ZNF385B: variants seen among roughly 807,000 people sequenced by gnomAD.
ZNF385B encodes zinc finger protein 385B.
In ZNF385B, 23 loss-of-function variants were observed where a neutral mutation model predicts 39.2. The observed-to-expected ratio is 0.59, with a 90% CI of 0.42 to 0.83. The LOEUF is 0.83. Among genes scored for constraint, ZNF385B ranks in the 40% least tolerant of loss-of-function variants. The pLI is 0.00. For missense variants in ZNF385B, 552 were observed against 598.9 expected, an observed-to-expected ratio of 0.92 and a Z score of 0.82; for synonymous variants, 205 against 222.6, an observed-to-expected ratio of 0.92 and a Z score of 0.70.
chr2:179,713,202 G>A (rs1301587856), intron 3 of ZNF385B, among the ~76,000 whole-genome samples: 1 of 152,100 alleles, frequency 6.6e-6, no homozygotes, highest in Non-Finnish European at 1.5e-5. Context: ...GGGTTTTTGG[G>A]GATGCAACCT....
chr2:179,802,944 A>T lies in ZNF385B; in HGVS notation c.-154-32272T>A, dbSNP rs181029852. Among the ~76,000 whole-genome samples, 31 of 152,278 alleles carry T rather than the reference A, an allele frequency of 2.0e-4. 1 individual carries two copies. In the East Asian group the frequency reaches 2.7e-3, roughly 13 times the overall value. On this transcript the variant is annotated intron_variant, in intron 1 of 9. Coordinates refer to ENST00000410066, the MANE Select transcript of ZNF385B (RefSeq NM_152520.6). ...CAGCCTTAGAAACTAACAGTAAATT[A>T]AAAAAACGCAATAGCTAAGCCTTAT...
At chr2:179,694,708 T>G (rs1698589729) in intron 3 of ZNF385B, among the ~76,000 whole-genome samples, 1 of 152,114 alleles carries the variant, frequency 6.6e-6, no homozygotes, top group Non-Finnish European at 1.5e-5. Flanking sequence ...GGTAGGCAGA[T>G]CATTTGAGGT....
At chr2:179,498,035 A>G (rs1298795196) in intron 5 of ZNF385B, among the ~76,000 whole-genome samples, 1 of 152,186 alleles carries the variant, frequency 6.6e-6, no homozygotes, top group Non-Finnish European at 1.5e-5. Context: ...ACATGCACCC[A>G]ACATGGGAGC....
chr2:179,545,650 C>G (rs1316073651), intron 3 of ZNF385B, among the ~76,000 whole-genome samples: 1 of 152,146 alleles, frequency 6.6e-6, no homozygotes, highest in Non-Finnish European at 1.5e-5. Context: ...TTGTTTTCAA[C>G]TTTTTATTTC....
chr2:179,472,769 C>T (rs910728805), intron 6 of ZNF385B, among the ~76,000 whole-genome samples: 3 of 152,144 alleles, frequency 2.0e-5, no homozygotes, highest in Non-Finnish European at 4.4e-5. Context: ...CCCCCCCTCC[C>T]TAGCCTTTTG....
At chr2:179,446,200 A>G (rs2049455141) in intron 7 of ZNF385B, among the ~76,000 whole-genome samples, 2 of 151,996 alleles carry the variant, frequency 1.3e-5, no homozygotes, top group African/African-American at 4.8e-5. Context: ...GGTTGTTTCC[A>G]TTTTTTTCTC....
In ZNF385B at chr2:179,756,778, C is replaced by A. The variant is rs1703052983; in HGVS notation, c.298+12725G>T. ...CAGTTGATCGAATCGGCTAGTGAGG[C>A]TTGTGCAGTTCTCATGCCATGGTTT... On this transcript the variant is annotated intron_variant, in intron 3 of 9. Transcript: ENST00000410066. Among the ~76,000 whole-genome samples the A allele has an allele frequency of 2.0e-5, 3 of 152,026 alleles. No homozygotes were observed. In the South Asian group the frequency reaches 6.2e-4, roughly 31 times the overall value.
At chr2:179,810,304 T>C (rs1006111919) in intron 1 of ZNF385B, among the ~76,000 whole-genome samples, 1 of 151,836 alleles carries the variant, frequency 6.6e-6, no homozygotes, top group African/African-American at 2.4e-5. Context: ...GCAAATACAT[T>C]TTTATAATTA....
At chr2:179,724,655 T>C (rs1700893138) in intron 3 of ZNF385B, among the ~76,000 whole-genome samples, 1 of 152,226 alleles carries the variant, frequency 6.6e-6, no homozygotes, top group African/African-American at 2.4e-5. Context: ...AACATTATTC[T>C]AACATAATTT....
At chr2:179,812,386 C>T (rs990454916) in intron 1 of ZNF385B, among the ~76,000 whole-genome samples, 1 of 152,158 alleles carries the variant, frequency 6.6e-6, no homozygotes, top group African/African-American at 2.4e-5. Flanking sequence ...ACATGGAATT[C>T]AAACTAGGTG....
At chr2:179,513,480 G>GTC (rs1244118431) in intron 5 of ZNF385B, among the ~76,000 whole-genome samples, 1 of 152,204 alleles carries the variant, frequency 6.6e-6, no homozygotes, top group Non-Finnish European at 1.5e-5. Flanking sequence ...ATCCCTATTA[G>GTC]TAAGTACAAA....
At chr2:179,794,577 CTAATAT>C (rs536779100) in intron 1 of ZNF385B, among the ~76,000 whole-genome samples, 114 of 152,216 alleles carry the variant, frequency 7.5e-4, no homozygotes, top group Admixed American at 2.0e-3. Flanking sequence ...TTATTGCCTC[CTAATAT>C]TAATAACTGT....
chr2:179,597,146 G>T (rs1461126592), intron 3 of ZNF385B, among the ~76,000 whole-genome samples: 1 of 152,222 alleles, frequency 6.6e-6, no homozygotes, highest in African/African-American at 2.4e-5. Flanking sequence ...TTTCTATCAT[G>T]CTCCTCTAAA....
At chr2:179,777,831 G>C (rs2106518470) in intron 1 of ZNF385B, among the ~76,000 whole-genome samples, 1 of 150,108 alleles carries the variant, frequency 6.7e-6, no homozygotes, top group South Asian at 2.1e-4. Context: ...GGCAGGCAGT[G>C]GCACGATCTC....
chr2:179,493,600 T>C (rs1330317203), intron 5 of ZNF385B, among the ~76,000 whole-genome samples: 2 of 133,974 alleles, frequency 1.5e-5, no homozygotes, highest in Non-Finnish European at 3.2e-5. Flanking sequence ...TATATGCGTA[T>C]ACATATATGT....
intron 1 of ZNF385B, among the ~76,000 whole-genome samples, chr2:179,800,873 A>G (rs777620842): frequency 5.9e-5 from 9 of 152,114 alleles, no homozygotes; most frequent in South Asian, 2.1e-4. Flanking sequence ...TATATCTCTT[A>G]AAAGGATAGA....
intron 3 of ZNF385B, among the ~76,000 whole-genome samples, chr2:179,725,206 T>C (rs151007958): frequency 1.7e-3 from 253 of 152,174 alleles, no homozygotes; most frequent in African/African-American, 5.7e-3. Flanking sequence ...GTTCAGTGTA[T>C]ACTGTTCAAT....
chr2:179,529,999 AT>A (rs1391146375), intron 4 of ZNF385B, among the ~76,000 whole-genome samples: 1 of 148,342 alleles, frequency 6.7e-6, no homozygotes, highest in Non-Finnish European at 1.5e-5. Context: ...CTAAAAAATA[AT>A]TTTTCAGTAG....
At chr2:179,634,993 A>AAAAAAT (rs1166340577) in intron 3 of ZNF385B, among the ~76,000 whole-genome samples, 1 of 140,412 alleles carries the variant, frequency 7.1e-6, no homozygotes, top group Non-Finnish European at 1.5e-5. Flanking sequence ...AAAAAAAAAA[A>AAAAAAT]TAGCCAGGCG....
Sources: gnomAD v4.1 joint callset for allele counts (sites outside exome capture counted in the v4.1 genomes callset) on GRCh38, gnomAD v4.1.1 for gene constraint, MANE v1.5 for transcripts, NCBI Gene and HGNC (gene_info 2026-07-23, HGNC 2026-07-21) for gene names.